LOC400499: variants seen among roughly 807,000 people sequenced by gnomAD.
the LOC400499 span, among the ~76,000 whole-genome samples, chr16:11,439,893 A>G: frequency 6.6e-6 from 1 of 151,958 alleles, no homozygotes. Flanking sequence ...TGAACCAGGC[A>G]CTGTGCTACC....
At chr16:11,420,561 T>C in the LOC400499 span, among the ~76,000 whole-genome samples, 1 of 150,588 alleles carries the variant, frequency 6.6e-6, no homozygotes, top group Non-Finnish European at 1.5e-5. Flanking sequence ...AACCTGCACA[T>C]TGTGCACATG....
the LOC400499 span, chr16:11,384,152 C>T: frequency 2.5e-6 from 3 of 1,214,386 alleles, no homozygotes; most frequent in Non-Finnish European, 3.1e-6. Flanking sequence ...TCTCCCGGGA[C>T]TCTGCAGTGA....
the LOC400499 span, among the ~76,000 whole-genome samples, chr16:11,498,319 A>G: frequency 6.6e-6 from 1 of 152,162 alleles, no homozygotes; most frequent in South Asian, 2.1e-4. Flanking sequence ...CATTTCTACT[A>G]AAAATACAAA....
chr16:11,453,619 A>G, the LOC400499 span, among the ~76,000 whole-genome samples: 1 of 152,264 alleles, frequency 6.6e-6, no homozygotes, highest in East Asian at 1.9e-4. Context: ...CTAGCATATG[A>G]AGTCGAGGAA....
the LOC400499 span, chr16:11,390,397 C>A: frequency 8.0e-7 from 1 of 1,245,916 alleles, no homozygotes; most frequent in East Asian, 3.0e-5. Flanking sequence ...TGCTCGCTCC[C>A]GCCACACCTC....
chr16:11,421,086 C>T, the LOC400499 span, among the ~76,000 whole-genome samples: 1 of 152,164 alleles, frequency 6.6e-6, no homozygotes, highest in Non-Finnish European at 1.5e-5. Flanking sequence ...CTGGTGTCAC[C>T]GCTGACCTTG....
At chr16:11,379,818 G>A in the LOC400499 span, among the ~76,000 whole-genome samples, 3 of 152,212 alleles carry the variant, frequency 2.0e-5, no homozygotes, top group Non-Finnish European at 4.4e-5. Flanking sequence ...TGTACGTTCT[G>A]TAGATATGTT....
chr16:11,450,454 TA>T, the LOC400499 span, among the ~76,000 whole-genome samples: 6 of 152,264 alleles, frequency 3.9e-5, no homozygotes, highest in African/African-American at 1.4e-4. Flanking sequence ...ACTTAGGAAC[TA>T]AACTCTGATA....
At chr16:11,434,383 G>T in the LOC400499 span, among the ~76,000 whole-genome samples, 1 of 152,066 alleles carries the variant, frequency 6.6e-6, no homozygotes, top group Non-Finnish European at 1.5e-5. Flanking sequence ...AATTATCCAG[G>T]TGCGGTGGTG....
the LOC400499 span, chr16:11,460,488 A>C: frequency 1.3e-6 from 2 of 1,524,870 alleles, no homozygotes; most frequent in African/African-American, 2.7e-5. Context: ...TTGTGGCTGA[A>C]GGCTAGGATC....
the LOC400499 span, among the ~76,000 whole-genome samples, chr16:11,493,102 C>T: frequency 6.6e-6 from 1 of 152,026 alleles, no homozygotes; most frequent in African/African-American, 2.4e-5. Context: ...GCAGGTGAGG[C>T]CCAGAGGTCA....
chr16:11,414,023 G>C, the LOC400499 span, among the ~76,000 whole-genome samples: 2 of 152,108 alleles, frequency 1.3e-5, no homozygotes, highest in East Asian at 1.9e-4. Flanking sequence ...CCTTTGAAGG[G>C]GGCTGGGCAC....
chr16:11,473,192 A>C, the LOC400499 span: 2 of 151,806 alleles, frequency 1.3e-5, no homozygotes, highest in Non-Finnish European at 2.9e-5. Flanking sequence ...CAGAAAGCTC[A>C]GAAAGATTTC....
At chr16:11,463,769 G>A in the LOC400499 span, among the ~76,000 whole-genome samples, 7 of 152,020 alleles carry the variant, frequency 4.6e-5, no homozygotes, top group African/African-American at 1.7e-4. Context: ...ATATATGAAC[G>A]TATATACAGA....
At chr16:11,381,467 A>T in the LOC400499 span, among the ~76,000 whole-genome samples, 1 of 152,100 alleles carries the variant, frequency 6.6e-6, no homozygotes, top group African/African-American at 2.4e-5. Context: ...CCTCGGTCTG[A>T]TAGATGGTTT....
the LOC400499 span, among the ~76,000 whole-genome samples, chr16:11,492,217 G>C: frequency 6.6e-6 from 1 of 152,000 alleles, no homozygotes; most frequent in East Asian, 1.9e-4. Context: ...CCCACATTGT[G>C]ACTCCCTCAA....
the LOC400499 span, chr16:11,470,740 C>T: frequency 0.016 from 2,431 of 152,462 alleles, 22 homozygotes; most frequent in Non-Finnish European, 0.017. Context: ...CGGCAGCCGC[C>T]GGTGAGTGTG....
At chr16:11,406,965 G>C in the LOC400499 span, among the ~76,000 whole-genome samples, 1 of 152,252 alleles carries the variant, frequency 6.6e-6, no homozygotes, top group Non-Finnish European at 1.5e-5. Flanking sequence ...GGATTGATCA[G>C]ATCTGTTTTA....
chr16:11,406,224 T>C, the LOC400499 span, among the ~76,000 whole-genome samples: 1 of 152,186 alleles, frequency 6.6e-6, no homozygotes, highest in Non-Finnish European at 1.5e-5. Flanking sequence ...TTTATGTCCA[T>C]GTGTATTCAA....
Sources: allele counts gnomAD v4.1 joint callset (sites outside exome capture counted in the v4.1 genomes callset), GRCh38; gene constraint gnomAD v4.1.1; transcripts MANE v1.5.